Variants in ANKS1A observed in about 807,000 individuals in gnomAD.
The protein encoded by ANKS1A is ankyrin repeat and sterile alpha motif domain containing 1A.
In ANKS1A, 55 loss-of-function variants were observed where a neutral mutation model predicts 120.3. The ratio of observed to expected loss-of-function variants is 0.46; its 90% CI spans 0.37 to 0.57. The LOEUF (loss-of-function observed/expected upper bound fraction) is 0.57. Ranked by LOEUF, ANKS1A falls within the 20% of genes least tolerant of loss-of-function variation. The probability of loss-of-function intolerance (pLI) is 0.00; values close to 1 mark genes in which losing one functional copy is unlikely to be tolerated. For missense variants in ANKS1A, 1,123 were observed against 1,480.3 expected (o/e 0.76, Z 3.96); for synonymous variants, 590 against 604.7 (o/e 0.98, Z 0.36).
chr6:34,901,560 G>C (rs567339602), intron 1 of ANKS1A, among the ~76,000 whole-genome samples: 11 of 152,250 alleles, frequency 7.2e-5, no homozygotes, highest in Non-Finnish European at 1.2e-4. Context: ...ACTCAGGCTG[G>C]AGCACAGTGA....
intron 11 of ANKS1A, among the ~76,000 whole-genome samples, chr6:35,040,874 C>T (rs1241838648): frequency 6.6e-6 from 1 of 152,208 alleles, no homozygotes; most frequent in Non-Finnish European, 1.5e-5. Context: ...AGGGATTGGC[C>T]CACCTGTCCA....
chr6:35,060,037 G>A lies in ANKS1A; in HGVS notation c.2078-110G>A. ...TCTCTTGTATATAGTTTGGCTGTTT[G>A]ATGGTAATGACTATGATGTGGCAAT... is the stretch of plus-strand genomic sequence containing the variant. On this transcript the variant is annotated intron_variant, in intron 12 of 23. Transcript: ENST00000360359. This position sits in a 1 kb window ranked among gnomAD's most constrained non-coding sequence, Gnocchi z 4.5. 1.2e-6 allele frequency: 1 copy of A among 831,156 alleles called. No homozygotes were observed. The highest frequency in any genetic ancestry group is 2.0e-6 in the Non-Finnish European group (1 of 509,240). 51.5% of individuals were successfully genotyped at this position (831,156 alleles called of 1,614,324 possible).
Position 34,952,621 on chromosome 6 carries a change from T to A in ANKS1A, c.198-14618T>A, listed in dbSNP as rs78637820. Reference sequence around the variant, plus strand: ...GCTTTTTCTTTCTAGGTAACATGTCTTAAAGTGATATGAGTCTGTACAAAT... The same window carrying A: ...GCTTTTTCTTTCTAGGTAACATGTCATAAAGTGATATGAGTCTGTACAAAT... On this transcript the variant is annotated intron_variant, in intron 1 of 23. Coordinates refer to ENST00000360359, the MANE Select transcript of ANKS1A (RefSeq NM_015245.3). Among the ~76,000 whole-genome samples, 1,162 of 152,320 alleles carry A rather than the reference T, an allele frequency of 7.6e-3. 21 individuals are homozygous for A. The highest frequency in any genetic ancestry group is 0.026 in the African/African-American group (1,063 of 41,562).
At chr6:34,929,691 C>G (rs1337507235) in intron 1 of ANKS1A, among the ~76,000 whole-genome samples, 1 of 152,120 alleles carries the variant, frequency 6.6e-6, no homozygotes, top group Non-Finnish European at 1.5e-5. Flanking sequence ...CATAATCACA[C>G]TGCTAAAAAG....
At chr6:35,048,654 C>T (rs1775831024) in intron 11 of ANKS1A, among the ~76,000 whole-genome samples, 1 of 152,160 alleles carries the variant, frequency 6.6e-6, no homozygotes, top group Admixed American at 6.5e-5. Context: ...GAATCAAAGC[C>T]CACTCTAGGC....
intron 13 of ANKS1A, among the ~76,000 whole-genome samples, chr6:35,074,625 G>T (rs774331253): frequency 2.0e-5 from 3 of 152,194 alleles, no homozygotes; most frequent in African/African-American, 2.4e-5. Flanking sequence ...AACAGCAGAC[G>T]TTAGATTTGG....
intron 1 of ANKS1A, among the ~76,000 whole-genome samples, chr6:34,893,327 G>A (rs1345693246): frequency 1.3e-5 from 2 of 152,068 alleles, no homozygotes; most frequent in Admixed American, 6.5e-5. Flanking sequence ...TGTAGAGATC[G>A]TGTCCCACTA....
intron 13 of ANKS1A, among the ~76,000 whole-genome samples, chr6:35,072,247 C>T (rs972657834): frequency 4.6e-5 from 7 of 152,244 alleles, no homozygotes; most frequent in Non-Finnish European, 8.8e-5. Flanking sequence ...GCCTCCTGCT[C>T]TCCCAGGACG....
At position 35,043,825 on chromosome 6, in the gene ANKS1A, C is replaced by A. The variant is rs527782484; in HGVS notation, c.2011-10274C>A. On this transcript the variant is annotated intron_variant, in intron 11 of 23. Coordinates refer to ENST00000360359, the MANE Select transcript of ANKS1A (RefSeq NM_015245.3). ...TACATGAACCACATCTATAAAACAC[C>A]ATTGACTAAAATTTCCAGTTTGTTT... Among the ~76,000 whole-genome samples the A allele has an allele frequency of 7.2e-5, 11 of 152,204 alleles. No individual in the cohort carries two copies. The South Asian group carries it at 2.3e-3, about 32-fold the overall frequency.
intron 11 of ANKS1A, among the ~76,000 whole-genome samples, chr6:35,048,831 TGGTGAGGCTGAGGAGGCTGCGGCTCA>T (rs912342508): frequency 6.6e-6 from 1 of 152,178 alleles, no homozygotes; most frequent in African/African-American, 2.4e-5. Flanking sequence ...ACAGAGCATC[TGGTGAGGCTGAGGAGGCTGCGGCTCA>T]GTCGCTCAGC....
chr6:34,929,845 T>TTCTCTTTCTCTCTCTTTCTG, intron 1 of ANKS1A, among the ~76,000 whole-genome samples: 1 of 149,074 alleles, frequency 6.7e-6, no homozygotes, highest in Non-Finnish European at 1.5e-5. Flanking sequence ...CTCTCTTTCT[T>TTCTCTTTCTCTCTCTTTCTG]TCTCTTTCTC....
intron 10 of ANKS1A, among the ~76,000 whole-genome samples, chr6:34,994,670 GCTAA>G (rs1445977432): frequency 2.0e-5 from 3 of 152,188 alleles, no homozygotes; most frequent in Non-Finnish European, 2.9e-5. Context: ...CAGACTAGGT[GCTAA>G]CTGTGGGAGG....
intron 1 of ANKS1A, among the ~76,000 whole-genome samples, chr6:34,934,187 A>G (rs1433310490): frequency 6.6e-6 from 1 of 151,950 alleles, no homozygotes; most frequent in Non-Finnish European, 1.5e-5. Flanking sequence ...TTGCTTTGTC[A>G]CCCAGGCTGA....
chr6:34,980,372 T>G (rs145066743), intron 3 of ANKS1A, among the ~76,000 whole-genome samples: 5 of 152,374 alleles, frequency 3.3e-5, no homozygotes, highest in African/African-American at 1.2e-4. Flanking sequence ...TTGCCATCGT[T>G]CTCACCTTTT....
chr6:34,961,318 A>T (rs1014851317), intron 1 of ANKS1A, among the ~76,000 whole-genome samples: 2 of 152,066 alleles, frequency 1.3e-5, no homozygotes, highest in African/African-American at 2.4e-5. Flanking sequence ...GTGGAGGGGG[A>T]TGTTACTACC....
chr6:35,013,921 A>G (rs1428573714), intron 10 of ANKS1A, among the ~76,000 whole-genome samples: 2 of 152,178 alleles, frequency 1.3e-5, no homozygotes, highest in African/African-American at 2.4e-5. Flanking sequence ...CCCTGTGTGG[A>G]GGATAATAAC....
chr6:34,975,447 C>CAAA (rs11409155), intron 3 of ANKS1A, among the ~76,000 whole-genome samples: 1 of 140,798 alleles, frequency 7.1e-6, no homozygotes, highest in Admixed American at 7.0e-5. Flanking sequence ...GAGTGAGACT[C>CAAA]AAAAAAAAAA....
chr6:34,948,380 A>G (rs1191007681), intron 1 of ANKS1A, among the ~76,000 whole-genome samples: 1 of 152,242 alleles, frequency 6.6e-6, no homozygotes, highest in Non-Finnish European at 1.5e-5. Flanking sequence ...TATAACTTTT[A>G]GAAAAGAAAT....
At chr6:35,016,510 T>C (rs1398121076) in intron 10 of ANKS1A, among the ~76,000 whole-genome samples, 1 of 152,164 alleles carries the variant, frequency 6.6e-6, no homozygotes, top group Admixed American at 6.5e-5. Context: ...GCCAGTGTAG[T>C]GCTGATGTTA....
Sources: allele counts gnomAD v4.1 joint callset (sites outside exome capture counted in the v4.1 genomes callset), GRCh38; gene constraint gnomAD v4.1.1; non-coding constraint Gnocchi (gnomAD v3.1); transcripts MANE v1.5; gene names NCBI Gene and HGNC (gene_info 2026-07-23, HGNC 2026-07-21).